The following CISD2 variants were observed in gnomAD, a reference collection of about 807,000 sequenced individuals.
CISD2 encodes the protein CDGSH iron-sulfur domain-containing protein 2.
CISD2 carries 1 observed loss-of-function variant against 12.9 expected under a neutral mutation model. The observed-to-expected ratio is 0.08, with a 90% CI of 0.03 to 0.37. The LOEUF is 0.37. Ranked by LOEUF, CISD2 falls within the 10% of genes least tolerant of loss-of-function variation. The probability of loss-of-function intolerance (pLI) is 0.99; values close to 1 mark genes in which losing one functional copy is unlikely to be tolerated. For missense variants in CISD2, 97 were observed against 163.1 expected (o/e 0.59, Z 2.21); for synonymous variants, 50 against 60.6 (o/e 0.83, Z 0.81).
At chr4:102,886,069 A>C (rs893722680) in intron 2 of CISD2, among the ~76,000 whole-genome samples, 2 of 152,168 alleles carry the variant, frequency 1.3e-5, no homozygotes, top group East Asian at 1.9e-4. Flanking sequence ...GTAATAGCAA[A>C]ATTTTTATAA....
intron 1 of CISD2, among the ~76,000 whole-genome samples, chr4:102,883,203 C>T (rs1306470167): frequency 6.6e-6 from 1 of 152,160 alleles, no homozygotes; most frequent in East Asian, 1.9e-4. Flanking sequence ...AAAGCCCATG[C>T]CCCCAACCAC....
intron 1 of CISD2, among the ~76,000 whole-genome samples, chr4:102,876,188 G>C (rs1733587582): frequency 6.6e-6 from 1 of 152,188 alleles, no homozygotes; most frequent in Non-Finnish European, 1.5e-5. Context: ...TTTGTGGAGT[G>C]TGGTAGGTAC....
chr4:102,885,973 T>C (rs1578316063), intron 2 of CISD2, among the ~76,000 whole-genome samples: 2 of 152,326 alleles, frequency 1.3e-5, no homozygotes. Context: ...ATAAGTACTA[T>C]AAGTAGTTGA....
At chr4:102,876,307 C>T (rs1046702829) in intron 1 of CISD2, among the ~76,000 whole-genome samples, 3 of 152,176 alleles carry the variant, frequency 2.0e-5, no homozygotes, top group African/African-American at 7.2e-5. Context: ...CACAGATAAA[C>T]TGAATTAGTT....
Position 102,892,025 on chromosome 4 carries a change from T to C in CISD2, c.*4595T>C. The C allele has an allele frequency of 6.6e-6, 1 of 152,194 alleles. No individual in the cohort carries two copies. The highest frequency in any genetic ancestry group is 1.5e-5 in the Non-Finnish European group (1 of 68,034). 9.4% of individuals were successfully genotyped at this position (152,194 alleles called of 1,614,324 possible). ...ATAGTCTTTTACTGGAAACTTGCTA[T>C]ATTTGATCATGTTCAGCAAGTAAAC... is the stretch of plus-strand genomic sequence containing the variant. On this transcript the variant is annotated 3_prime_UTR_variant, in exon 3 of 3. Coordinates refer to ENST00000273986, the MANE Select transcript of CISD2 (RefSeq NM_001008388.5).
chr4:102,880,644 CA>C (rs879943980), intron 1 of CISD2, among the ~76,000 whole-genome samples: 76 of 151,448 alleles, frequency 5.0e-4, no homozygotes, highest in African/African-American at 1.7e-3. Flanking sequence ...TGCCACTGCA[CA>C]TCAGCCTGGG....
chr4:102,887,152 GAAGT>G (rs1487146350), intron 2 of CISD2, among the ~76,000 whole-genome samples, 185 bp from the exon 3 acceptor site: 1 of 152,136 alleles, frequency 6.6e-6, no homozygotes, highest in African/African-American at 2.4e-5. Flanking sequence ...ACCAAATAAT[GAAGT>G]AACTGTTTAA....
intron 2 of CISD2, among the ~76,000 whole-genome samples, chr4:102,886,214 C>T (rs771014467): frequency 2.8e-4 from 42 of 152,254 alleles, no homozygotes; most frequent in Non-Finnish European, 5.0e-4. Flanking sequence ...GCAGGCCAGG[C>T]GCGGTGGCTC....
intron 1 of CISD2, among the ~76,000 whole-genome samples, chr4:102,876,446 C>T (rs1223258268): frequency 6.6e-6 from 1 of 152,106 alleles, no homozygotes; most frequent in Admixed American, 6.5e-5. Flanking sequence ...TTTCACACTG[C>T]TATAAAGGTA....
chr4:102,886,215 G>C (rs779357600), intron 2 of CISD2, among the ~76,000 whole-genome samples: 1 of 152,138 alleles, frequency 6.6e-6, no homozygotes, highest in African/African-American at 2.4e-5. Flanking sequence ...CAGGCCAGGC[G>C]CGGTGGCTCA....
At chr4:102,886,502 A>T (rs906451762) in intron 2 of CISD2, among the ~76,000 whole-genome samples, 2 of 152,208 alleles carry the variant, frequency 1.3e-5, no homozygotes, top group African/African-American at 2.4e-5. Flanking sequence ...AAAAAAAGAA[A>T]AAAAAGAATA....
intron 1 of CISD2, among the ~76,000 whole-genome samples, chr4:102,880,811 G>A (rs1056343194): frequency 1.3e-5 from 2 of 151,796 alleles, no homozygotes; most frequent in Non-Finnish European, 2.9e-5. Flanking sequence ...TGACCAACAC[G>A]GTGAAACCCC....
intron 1 of CISD2, 85 bp from the exon 2 acceptor site, chr4:102,885,131 G>A: frequency 9.2e-7 from 1 of 1,088,070 alleles, no homozygotes; most frequent in East Asian, 2.4e-5. Context: ...AAGTAACAAA[G>A]AATAAGCTCA....
intron 1 of CISD2, among the ~76,000 whole-genome samples, chr4:102,873,249 AT>A (rs901291679): frequency 6.6e-6 from 1 of 151,812 alleles, no homozygotes; most frequent in Non-Finnish European, 1.5e-5. Flanking sequence ...TTGCTTTGAA[AT>A]TTTCTTTTCT....
chr4:102,888,773 G>C lies in CISD2; in HGVS notation c.*1343G>C, dbSNP rs1417139644. On this transcript the variant is annotated 3_prime_UTR_variant, in exon 3 of 3. Transcript: ENST00000273986. Reference sequence around the variant, plus strand: ...CTGGGCAACCTAGTGCTCCGCCTCTGCTGGGCTCTGTAGGGAATCCTTTCT... The same window carrying C: ...CTGGGCAACCTAGTGCTCCGCCTCTCCTGGGCTCTGTAGGGAATCCTTTCT... 4 of 152,242 alleles carry C rather than the reference G, an allele frequency of 2.6e-5. No homozygotes were observed. The highest frequency in any genetic ancestry group is 9.6e-5 in the African/African-American group (4 of 41,474). The allele number at this position is 152,242 out of a possible 1,614,324, so 9.4% of individuals were successfully genotyped here. A position where few individuals can be genotyped will look rare whatever the true frequency, so the allele number is the denominator to read the frequency against.
intron 1 of CISD2, among the ~76,000 whole-genome samples, chr4:102,880,217 T>TA (rs1303216257): frequency 1.3e-5 from 2 of 152,198 alleles, no homozygotes; most frequent in Non-Finnish European, 2.9e-5. Context: ...GTGCTGGAAT[T>TA]ACAGGCGTAA....
At chr4:102,871,117 T>C (rs1294363235) in intron 1 of CISD2, among the ~76,000 whole-genome samples, 1 of 152,208 alleles carries the variant, frequency 6.6e-6, no homozygotes, top group Non-Finnish European at 1.5e-5. Context: ...GTCCAATGAA[T>C]TACCTATGTT....
Position 102,891,201 on chromosome 4 carries a change from A to AT in CISD2, c.*3776dup, listed in dbSNP as rs545165372. ...ATTGAAAAAGTCTTCTTTTTAAAAA[A>AT]TTTTTAATGGTAGAGGCAGCAGCTA... On this transcript the variant is annotated 3_prime_UTR_variant, in exon 3 of 3. Transcript: ENST00000273986. 24 of 147,134 alleles carry AT rather than the reference A, an allele frequency of 1.6e-4. 3 individuals are homozygous for AT. The highest frequency in any genetic ancestry group is 6.2e-4 in the African/African-American group (23 of 36,902). 9.1% of individuals were successfully genotyped at this position (147,134 alleles called of 1,614,324 possible).
At position 102,889,788 on chromosome 4, in the gene CISD2, C is replaced by CTT. The variant is rs1250068412; in HGVS notation, c.*2359_*2360dup. The CTT allele has an allele frequency of 2.0e-5, 3 of 152,168 alleles. No homozygotes were observed. The South Asian group carries it at 6.2e-4, about 32-fold the overall frequency. 9.4% of individuals were successfully genotyped at this position (152,168 alleles called of 1,614,324 possible). On this transcript the variant is annotated 3_prime_UTR_variant, in exon 3 of 3. Coordinates refer to ENST00000273986, the MANE Select transcript of CISD2 (RefSeq NM_001008388.5). ...GCATTATTAGCAGTTTGCATTACTT[C>CTT]TTGTAAATTTACACAATTTTATCTT...
Sources: gnomAD v4.1 joint callset for allele counts (sites outside exome capture counted in the v4.1 genomes callset) on GRCh38, gnomAD v4.1.1 for gene constraint, MANE v1.5 for transcripts, NCBI Gene and HGNC (gene_info 2026-07-23, HGNC 2026-07-21) for gene names.